DNAJB4: variants seen among roughly 807,000 people sequenced by gnomAD.
The protein encoded by DNAJB4 is dnaJ homolog subfamily B member 4.
A neutral mutation model predicts 26.6 loss-of-function variants in DNAJB4; 10 were observed. The observed-to-expected ratio is 0.38, with a 90% CI of 0.23 to 0.64. The LOEUF (loss-of-function observed/expected upper bound fraction) is 0.64, where lower values mean the gene tolerates loss of function less well. Ranked by LOEUF, DNAJB4 falls within the 30% of genes least tolerant of loss-of-function variation. DNAJB4 has a pLI of 0.58. For synonymous variants in DNAJB4, 136 were observed against 134.8 expected, an observed-to-expected ratio of 1.01 and a Z score of -0.06; for missense variants, 328 against 408.2, an observed-to-expected ratio of 0.80 and a Z score of 1.69.
At chr1:78,007,863 G>A (rs1376040804) in intron 1 of DNAJB4, among the ~76,000 whole-genome samples, 1 of 152,086 alleles carries the variant, frequency 6.6e-6, no homozygotes, top group African/African-American at 2.4e-5. Context: ...AATTTACCTG[G>A]TATCCTTCTT....
chr1:77,994,064 G>A lies in DNAJB4; in HGVS notation c.-31-11016G>A, dbSNP rs368155743. On this transcript the variant is annotated intron_variant, in intron 1 of 2. Transcript: ENST00000426517. ...TTATGTTTTAATGGATGCAGTATAC[G>A]ATAAAGTTAATTCATAGTTAAAGTT... 8.5e-5 allele frequency among the ~76,000 whole-genome samples: 13 copies of A among 152,238 alleles called. No individual in the cohort carries two copies. In the East Asian group the frequency reaches 2.1e-3, roughly 25 times the overall value.
intron 1 of DNAJB4, among the ~76,000 whole-genome samples, chr1:77,982,616 A>G (rs12146104): frequency 0.9 from 136,810 of 152,152 alleles, 61,625 homozygotes; most frequent in Non-Finnish European, 0.93. Context: ...TGGCCAACAT[A>G]GTGAAACATC....
At chr1:78,015,371 C>T (rs2102616848) in intron 2 of DNAJB4, among the ~76,000 whole-genome samples, 1 of 152,036 alleles carries the variant, frequency 6.6e-6, no homozygotes, top group South Asian at 2.1e-4. Context: ...ATATTAATAG[C>T]AGCTTCAAAA....
At chr1:77,999,665 T>C (rs907306312) in intron 1 of DNAJB4, among the ~76,000 whole-genome samples, 2 of 152,170 alleles carry the variant, frequency 1.3e-5, no homozygotes, top group Non-Finnish European at 2.9e-5. Flanking sequence ...GAAAATAATG[T>C]ATATGTAGAT....
At chr1:78,003,321 A>T (rs1660237011), upstream of DNAJB4, among the ~76,000 whole-genome samples, 1 of 151,912 alleles carries the variant, frequency 6.6e-6, no homozygotes, top group Non-Finnish European at 1.5e-5. Flanking sequence ...GAGGCTAAAA[A>T]AATTGATAAA....
At position 78,013,297 on chromosome 1, in the gene DNAJB4, G is replaced by A. The variant is rs188409967; in HGVS notation, c.458G>A (p.Arg153His). 39 of 1,613,998 alleles carry A rather than the reference G, an allele frequency of 2.4e-5. No individual in the cohort carries two copies. The highest frequency in any genetic ancestry group is 1.2e-4 in the African/African-American group (9 of 75,026). ...GACAGGAATTCTGTGGGGCCATCCC[G>A]CCTCAAACAAGATCCTCCAGTTATT... ...PRDRNSVGPS[R>H]LKQDPPVIHE... Residue 153 changes from arginine (R) to histidine (H), a missense_variant, in exon 2 of 3, where the codon CGC (arginine) becomes CAC (histidine). Coordinates refer to ENST00000370763, the MANE Select transcript of DNAJB4 (RefSeq NM_007034.5).
At chr1:77,995,334 T>C (rs1184940537) in intron 1 of DNAJB4, among the ~76,000 whole-genome samples, 3 of 152,268 alleles carry the variant, frequency 2.0e-5, no homozygotes, top group Non-Finnish European at 4.4e-5. Context: ...TGGACAGCAC[T>C]GGTCTAAATA....
chr1:77,991,596 C>CA (rs1263667580), intron 1 of DNAJB4, among the ~76,000 whole-genome samples: 15 of 152,178 alleles, frequency 9.9e-5, no homozygotes, highest in Non-Finnish European at 1.6e-4. Context: ...TCTACACACA[C>CA]AAAAAATGAA....
upstream of DNAJB4, among the ~76,000 whole-genome samples, chr1:78,001,423 G>A (rs1015902156): frequency 6.6e-6 from 1 of 152,006 alleles, no homozygotes; most frequent in African/African-American, 2.4e-5. Flanking sequence ...TCACAGGTGC[G>A]ATGGTAAAAT....
At chr1:77,981,357 C>T (rs1264646793) in intron 1 of DNAJB4, 9 of 151,654 alleles carry the variant, frequency 5.9e-5, no homozygotes, top group Non-Finnish European at 4.4e-5. Flanking sequence ...CACCCTGTCA[C>T]CCAGACTGGA....
intron 1 of DNAJB4, among the ~76,000 whole-genome samples, chr1:77,993,932 A>G (rs1660000327): frequency 6.6e-6 from 1 of 152,222 alleles, no homozygotes; most frequent in Non-Finnish European, 1.5e-5. Flanking sequence ...TAAATACTAT[A>G]GGACATACGG....
At chr1:77,984,212 C>A (rs1000890026) in intron 1 of DNAJB4, among the ~76,000 whole-genome samples, 10 of 152,212 alleles carry the variant, frequency 6.6e-5, no homozygotes, top group Admixed American at 2.6e-4. Context: ...TTTCTGCATT[C>A]ATCCTGTGAA....
In DNAJB4 at chr1:78,004,955, A is replaced by G; in HGVS notation, c.-156A>G. On this transcript the variant is annotated 5_prime_UTR_variant, in exon 1 of 3. Transcript: ENST00000370763. ...CGTTGGGGAAGGATTGAATACAGAG[A>G]CGCTGTCTGCTTGCTGCCTTAAGAC... is the stretch of plus-strand genomic sequence containing the variant. The G allele has an allele frequency of 4.2e-6, 3 of 716,858 alleles. No homozygotes were observed. In the South Asian group the frequency reaches 5.4e-5, roughly 13 times the overall value. 44.4% of individuals were successfully genotyped at this position (716,858 alleles called of 1,614,324 possible).
chr1:77,990,245 T>C (rs1290590447), intron 1 of DNAJB4, among the ~76,000 whole-genome samples: 2 of 152,228 alleles, frequency 1.3e-5, no homozygotes, highest in Non-Finnish European at 2.9e-5. Context: ...TTGTCTCCTG[T>C]TGATTGATGT....
At chr1:78,003,620 G>A (rs1007732611), upstream of DNAJB4, among the ~76,000 whole-genome samples, 1 of 152,026 alleles carries the variant, frequency 6.6e-6, no homozygotes, top group African/African-American at 2.4e-5. Flanking sequence ...TATTTGGACT[G>A]TGTGCAATTC....
At chr1:77,980,517 A>G (rs983297045) in intron 1 of DNAJB4, among the ~76,000 whole-genome samples, 16 of 151,946 alleles carry the variant, frequency 1.1e-4, no homozygotes, top group Non-Finnish European at 1.6e-4. Context: ...TAGAAGTCTT[A>G]CTCTTTATTA....
At chr1:78,011,485 C>CT (rs34009878) in intron 1 of DNAJB4, among the ~76,000 whole-genome samples, 70 of 125,624 alleles carry the variant, frequency 5.6e-4, no homozygotes, top group African/African-American at 1.2e-3. Flanking sequence ...TATTTTAATT[C>CT]TTTTTTTTTT....
upstream of DNAJB4, among the ~76,000 whole-genome samples, chr1:78,003,510 G>T (rs547504328): frequency 1.3e-5 from 2 of 152,172 alleles, no homozygotes; most frequent in Admixed American, 1.3e-4. Flanking sequence ...TAGAGTAGGC[G>T]TTCTCATTTC....
chr1:77,982,942 G>C (rs767318285), intron 1 of DNAJB4, among the ~76,000 whole-genome samples: 1 of 152,218 alleles, frequency 6.6e-6, no homozygotes, highest in Non-Finnish European at 1.5e-5. Flanking sequence ...TTCTCGTAAG[G>C]TGGAACGAGA....
Sources: gnomAD v4.1 joint callset for allele counts (sites outside exome capture counted in the v4.1 genomes callset) on GRCh38, gnomAD v4.1.1 for gene constraint, MANE v1.5 for transcripts, NCBI Gene and HGNC (gene_info 2026-07-23, HGNC 2026-07-21) for gene names.